IMMP2L: variants seen among roughly 807,000 people sequenced by gnomAD.
IMMP2L encodes the protein mitochondrial inner membrane protease subunit 2.
A neutral mutation model predicts 19.3 loss-of-function variants in IMMP2L; 18 were observed. The observed-to-expected ratio is 0.93, with a 90% CI of 0.64 to 1.38. The LOEUF is 1.38. IMMP2L is among the 40% of genes most tolerant of loss of function. IMMP2L has a pLI of 0.00. For synonymous variants in IMMP2L, 76 were observed against 73.0 expected, an observed-to-expected ratio of 1.04 and a Z score of -0.21; for missense variants, 233 against 218.2, an observed-to-expected ratio of 1.07 and a Z score of -0.43.
chr7:110,825,882 C>G (rs997674913), intron 5 of IMMP2L, among the ~76,000 whole-genome samples: 1 of 152,184 alleles, frequency 6.6e-6, no homozygotes, highest in Non-Finnish European at 1.5e-5. Flanking sequence ...AAAGAAACCA[C>G]CATCAGAGTG....
At chr7:111,346,685 A>G (rs76192991) in intron 3 of IMMP2L, among the ~76,000 whole-genome samples, 1,953 of 152,282 alleles carry the variant, frequency 0.013, 37 homozygotes, top group African/African-American at 0.043. Flanking sequence ...GTGAGCCAAG[A>G]CAAGAAGCTG....
intron 5 of IMMP2L, among the ~76,000 whole-genome samples, chr7:110,753,934 T>C (rs1252038742): frequency 6.6e-6 from 1 of 152,036 alleles, no homozygotes; most frequent in African/African-American, 2.4e-5. Flanking sequence ...CTATCTTTAC[T>C]TCTTGTCATA....
intron 3 of IMMP2L, among the ~76,000 whole-genome samples, chr7:111,333,660 G>A (rs1026056451): frequency 1.3e-5 from 2 of 152,022 alleles, no homozygotes; most frequent in African/African-American, 4.8e-5. Flanking sequence ...CAATCTTAGT[G>A]GGCACCATCT....
chr7:111,149,289 T>G (rs1314751940), intron 3 of IMMP2L, among the ~76,000 whole-genome samples: 1 of 152,128 alleles, frequency 6.6e-6, no homozygotes, highest in East Asian at 1.9e-4. Context: ...GTGGATCTAA[T>G]AATGAAAAAC....
intron 3 of IMMP2L, among the ~76,000 whole-genome samples, chr7:111,416,393 T>G (rs917123091): frequency 1.3e-5 from 2 of 151,886 alleles, no homozygotes; most frequent in African/African-American, 4.9e-5. Context: ...CAGGAATTAC[T>G]GTCAAATGCC....
chr7:111,309,011 T>A (rs1285060202), intron 3 of IMMP2L, among the ~76,000 whole-genome samples: 2 of 152,140 alleles, frequency 1.3e-5, no homozygotes, highest in Admixed American at 1.3e-4. Context: ...TTTAAACTAG[T>A]GCATCATTAA....
At chr7:111,407,780 CA>C (rs1462173725) in intron 3 of IMMP2L, among the ~76,000 whole-genome samples, 4 of 151,774 alleles carry the variant, frequency 2.6e-5, no homozygotes, top group African/African-American at 9.7e-5. Flanking sequence ...CTATACTTAG[CA>C]TGAGTGAATT....
intron 3 of IMMP2L, among the ~76,000 whole-genome samples, chr7:111,278,724 T>C (rs1315437657): frequency 6.6e-6 from 1 of 152,192 alleles, no homozygotes; most frequent in East Asian, 1.9e-4. Flanking sequence ...ACATGTTTTA[T>C]AATTTTCTAG....
intron 5 of IMMP2L, among the ~76,000 whole-genome samples, chr7:110,740,220 G>T (rs1430720770): frequency 6.6e-6 from 1 of 151,876 alleles, no homozygotes; most frequent in Non-Finnish European, 1.5e-5. Flanking sequence ...GATCTGAGCA[G>T]AACTAAATGA....
intron 5 of IMMP2L, among the ~76,000 whole-genome samples, chr7:110,841,630 A>G (rs1805097921): frequency 6.6e-6 from 1 of 152,134 alleles, no homozygotes; most frequent in Non-Finnish European, 1.5e-5. Flanking sequence ...ATCAAATTTT[A>G]CATGACTTCA....
At chr7:110,996,356 T>C (rs920436982) in intron 3 of IMMP2L, among the ~76,000 whole-genome samples, 1 of 151,958 alleles carries the variant, frequency 6.6e-6, no homozygotes, top group African/African-American at 2.4e-5. Context: ...AAGGCAACTG[T>C]GGCGGGAGCA....
intron 3 of IMMP2L, among the ~76,000 whole-genome samples, chr7:111,140,349 A>T (rs1338666290): frequency 6.6e-6 from 1 of 152,180 alleles, no homozygotes; most frequent in Non-Finnish European, 1.5e-5. Context: ...TATGACATGA[A>T]GTAGCAATGA....
intron 3 of IMMP2L, among the ~76,000 whole-genome samples, chr7:111,435,846 C>T (rs1042422151): frequency 6.6e-6 from 1 of 151,802 alleles, no homozygotes; most frequent in Non-Finnish European, 1.5e-5. Context: ...CCAGACCCTT[C>T]AGTGTTTTGG....
At chr7:111,496,150 C>T (rs945833656) in intron 2 of IMMP2L, among the ~76,000 whole-genome samples, 7 of 152,146 alleles carry the variant, frequency 4.6e-5, no homozygotes, top group African/African-American at 1.7e-4. Flanking sequence ...AGATGTCACA[C>T]CTTTGAAAGA....
At chr7:111,028,410 A>ACTCTTCAGTC (rs1563173681) in intron 3 of IMMP2L, among the ~76,000 whole-genome samples, 1 of 152,132 alleles carries the variant, frequency 6.6e-6, no homozygotes, top group Non-Finnish European at 1.5e-5. Context: ...TCTACATATT[A>ACTCTTCAGTC]TACAAATTAG....
At chr7:111,167,535 G>T (rs1805958712) in intron 3 of IMMP2L, among the ~76,000 whole-genome samples, 1 of 151,750 alleles carries the variant, frequency 6.6e-6, no homozygotes, top group Non-Finnish European at 1.5e-5. Flanking sequence ...ATATCAGAAG[G>T]TTACCAACTG....
chr7:111,102,218 G>A (rs991597833), intron 3 of IMMP2L, among the ~76,000 whole-genome samples: 1 of 151,360 alleles, frequency 6.6e-6, no homozygotes, highest in Admixed American at 6.6e-5. Context: ...TTACCCAGTG[G>A]GTATTTCATA....
Position 111,038,790 on chromosome 7 carries a change from G to A in IMMP2L, c.240-75225C>T, listed in dbSNP as rs138709960. Reference sequence around the variant, plus strand: ...AAATGAAGCATAGTTAAAAATTAAAGGGGATAATCTTTATAAATCAAGTTA... The same window carrying A: ...AAATGAAGCATAGTTAAAAATTAAAAGGGATAATCTTTATAAATCAAGTTA... On this transcript the variant is annotated intron_variant, in intron 3 of 5. Transcript: ENST00000405709. Among the ~76,000 whole-genome samples the A allele has an allele frequency of 3.7e-4, 57 of 152,172 alleles. No individual in the cohort carries two copies. The East Asian group carries it at 8.7e-3, about 23-fold the overall frequency.
intron 2 of IMMP2L, among the ~76,000 whole-genome samples, chr7:111,506,318 C>T (rs1403161866): frequency 2.6e-5 from 4 of 152,084 alleles, no homozygotes; most frequent in African/African-American, 9.7e-5. Flanking sequence ...CATTTTAGTA[C>T]AAGTTAATTC....
Sources: gnomAD v4.1 joint callset for allele counts (sites outside exome capture counted in the v4.1 genomes callset) on GRCh38, gnomAD v4.1.1 for gene constraint, MANE v1.5 for transcripts, NCBI Gene and HGNC (gene_info 2026-07-23, HGNC 2026-07-21) for gene names.